Variants in HS6ST3 observed in about 807,000 individuals in gnomAD.
The protein encoded by HS6ST3 is heparan sulfate 6-O-sulfotransferase 3.
A neutral mutation model predicts 36.7 loss-of-function variants in HS6ST3; 12 were observed. The observed-to-expected ratio is 0.33, with a 90% CI of 0.21 to 0.53. The LOEUF (loss-of-function observed/expected upper bound fraction) is 0.53, where lower values mean the gene tolerates loss of function less well. Among genes scored for constraint, HS6ST3 ranks in the 20% least tolerant of loss-of-function variants. The pLI, the probability that HS6ST3 is intolerant of heterozygous loss-of-function variation, is 0.95. For missense variants in HS6ST3, 584 were observed against 640.9 expected (o/e 0.91, Z 0.96); for synonymous variants, 240 against 257.5 (o/e 0.93, Z 0.65).
intron 1 of HS6ST3, among the ~76,000 whole-genome samples, chr13:96,205,560 T>C (rs890828734): frequency 1.3e-5 from 2 of 152,128 alleles, no homozygotes; most frequent in African/African-American, 2.4e-5. Context: ...TTGATGAGCA[T>C]CGATACAAAA....
chr13:96,811,213 G>T (rs778265406), intron 1 of HS6ST3, among the ~76,000 whole-genome samples: 58 of 152,130 alleles, frequency 3.8e-4, no homozygotes, highest in Admixed American at 5.9e-4. Flanking sequence ...TATCCACTTC[G>T]CATGTTAGCT....
intron 1 of HS6ST3, among the ~76,000 whole-genome samples, chr13:96,638,937 G>T (rs999804652): frequency 6.6e-6 from 1 of 151,816 alleles, no homozygotes; most frequent in Non-Finnish European, 1.5e-5. Flanking sequence ...TTCAGTTTTA[G>T]CAATATGCAT....
At chr13:96,510,786 T>G (rs1347172503) in intron 1 of HS6ST3, among the ~76,000 whole-genome samples, 2 of 152,310 alleles carry the variant, frequency 1.3e-5, no homozygotes, top group South Asian at 4.1e-4. Context: ...GCCCCACAGA[T>G]AAGCATTCTA....
intron 1 of HS6ST3, among the ~76,000 whole-genome samples, chr13:96,340,720 G>A (rs1187391737): frequency 2.0e-5 from 3 of 152,210 alleles, no homozygotes; most frequent in Non-Finnish European, 2.9e-5. Flanking sequence ...CCTGGGCATT[G>A]CCATGCGATT....
intron 1 of HS6ST3, among the ~76,000 whole-genome samples, chr13:96,120,167 T>A (rs567695160): frequency 6.6e-6 from 1 of 152,116 alleles, no homozygotes; most frequent in Non-Finnish European, 1.5e-5. Context: ...AGCCAAGAAA[T>A]GGCAAAGATT....
At chr13:96,308,948 G>A (rs1033080509) in intron 1 of HS6ST3, among the ~76,000 whole-genome samples, 2 of 152,054 alleles carry the variant, frequency 1.3e-5, no homozygotes, top group African/African-American at 2.4e-5. Context: ...TTTGTCTAGC[G>A]TTAAGGAGAG....
rs376676541 is a variant in HS6ST3 at position 96,788,972 on chromosome 13, A to G, written c.708-43518A>G. 1.3e-3 allele frequency among the ~76,000 whole-genome samples: 195 copies of G among 151,868 alleles called. 1 individual carries two copies. Among genetic ancestry groups the G allele is most frequent in the African/African-American group, 4.5e-3 (187 of 41,508 alleles). On this transcript the variant is annotated intron_variant, in intron 1 of 1. Transcript: ENST00000376705. Reference sequence around the variant, plus strand: ...TATAATTGGATCTTGTATTCTGTCAATCTTTTTCTTCTAATTGGTGTGTAG... The same window carrying G: ...TATAATTGGATCTTGTATTCTGTCAGTCTTTTTCTTCTAATTGGTGTGTAG...
chr13:96,241,625 C>T (rs72642946), intron 1 of HS6ST3, among the ~76,000 whole-genome samples: 8,530 of 149,708 alleles, frequency 0.057, 332 homozygotes, highest in Admixed American at 0.13. Context: ...ATTAAATTTA[C>T]CAACTTTTTT....
intron 1 of HS6ST3, among the ~76,000 whole-genome samples, chr13:96,661,972 A>G (rs367604694): frequency 2.0e-5 from 3 of 152,130 alleles, no homozygotes; most frequent in African/African-American, 7.2e-5. Context: ...TACTTTTATG[A>G]CTGGTGGTAT....
chr13:96,375,875 T>TTC (rs1449807696), intron 1 of HS6ST3, among the ~76,000 whole-genome samples: 1 of 152,240 alleles, frequency 6.6e-6, no homozygotes, highest in Non-Finnish European at 1.5e-5. Flanking sequence ...AGAGAAAAGC[T>TTC]TCTCTCTGTG....
intron 1 of HS6ST3, among the ~76,000 whole-genome samples, chr13:96,831,736 G>T (rs770407196): frequency 6.6e-6 from 1 of 151,888 alleles, no homozygotes; most frequent in African/African-American, 2.4e-5. Flanking sequence ...AGGTGGATCA[G>T]TTGAGGTCAG....
intron 1 of HS6ST3, among the ~76,000 whole-genome samples, chr13:96,244,788 G>A (rs755636605): frequency 2.6e-4 from 40 of 152,134 alleles, no homozygotes; most frequent in Non-Finnish European, 4.3e-4. Context: ...TCTATGGGTG[G>A]CCTATAACAG....
At chr13:96,404,617 G>C (rs2055467858) in intron 1 of HS6ST3, among the ~76,000 whole-genome samples, 1 of 152,216 alleles carries the variant, frequency 6.6e-6, no homozygotes, top group Non-Finnish European at 1.5e-5. Context: ...GAAAAGTCTG[G>C]GAGTTGTAGG....
At chr13:96,508,176 C>A (rs1007179277) in intron 1 of HS6ST3, among the ~76,000 whole-genome samples, 4 of 151,994 alleles carry the variant, frequency 2.6e-5, no homozygotes, top group African/African-American at 9.7e-5. Context: ...ACTCAAATTT[C>A]GCAGGGTAAT....
At chr13:96,822,870 G>T (rs1878566799) in intron 1 of HS6ST3, among the ~76,000 whole-genome samples, 1 of 152,214 alleles carries the variant, frequency 6.6e-6, no homozygotes. Context: ...TATAGCTGCA[G>T]TGCTGATGAG....
chr13:96,464,536 G>A (rs2055802697), intron 1 of HS6ST3, among the ~76,000 whole-genome samples: 1 of 151,990 alleles, frequency 6.6e-6, no homozygotes. Context: ...AATGTTCATA[G>A]CATCAAAGTT....
chr13:96,695,927 A>G (rs778030141), intron 1 of HS6ST3, among the ~76,000 whole-genome samples: 4 of 152,190 alleles, frequency 2.6e-5, no homozygotes, highest in Non-Finnish European at 5.9e-5. Flanking sequence ...AACTAAGAAT[A>G]TATATTCATA....
At chr13:96,354,841 A>G (rs934695245) in intron 1 of HS6ST3, among the ~76,000 whole-genome samples, 5 of 152,190 alleles carry the variant, frequency 3.3e-5, no homozygotes, top group South Asian at 4.1e-4. Context: ...ATATAGAACC[A>G]TACTGTGTGT....
chr13:96,658,239 TTTC>T lies in HS6ST3; in HGVS notation c.708-174234_708-174232del, dbSNP rs1158529672. 4.0e-3 allele frequency among the ~76,000 whole-genome samples: 596 copies of T among 149,936 alleles called. 4 individuals carry two copies. Among genetic ancestry groups the T allele is most frequent in the African/African-American group, 0.014 (577 of 40,272 alleles). On this transcript the variant is annotated intron_variant, in intron 1 of 1. Transcript: ENST00000376705. Reference sequence around the variant, plus strand: ...CTTCTGTTATATGCCACAATTTATCTTTCTTCTTCTTCTTCTTCTCTTCTTCTT... The same window carrying T: ...CTTCTGTTATATGCCACAATTTATCTTTCTTCTTCTTCTTCTCTTCTTCTT...
Sources: gnomAD v4.1 joint callset for allele counts (sites outside exome capture counted in the v4.1 genomes callset) on GRCh38, gnomAD v4.1.1 for gene constraint, MANE v1.5 for transcripts, NCBI Gene and HGNC (gene_info 2026-07-23, HGNC 2026-07-21) for gene names.